Variants in PCDHA8 observed in about 807,000 individuals in gnomAD.
PCDHA8 encodes protocadherin alpha 8, also known as protocadherin alpha-8.
Under a neutral mutation model 61.8 loss-of-function variants are expected in PCDHA8, and 53 were observed. The observed-to-expected ratio is 0.86, with a 90% CI of 0.69 to 1.08. The LOEUF is 1.08. PCDHA8 is among the 50% of genes least tolerant of loss of function. PCDHA8 has a pLI of 0.00. For synonymous variants in PCDHA8, 618 were observed against 556.6 expected (o/e 1.11, Z -1.55); for missense variants, 1,293 against 1,245.0 (o/e 1.04, Z -0.58).
intron 1 of PCDHA8, chr5:140,871,289 G>T (rs955449203): frequency 6.2e-7 from 1 of 1,613,910 alleles, no homozygotes; most frequent in Non-Finnish European, 8.5e-7. Flanking sequence ...CCCACTGAGG[G>T]CGCGTGCGCG....
chr5:140,922,176 CAA>C lies in PCDHA8; in HGVS notation c.2395-56765_2395-56764del, dbSNP rs3836750. ...CAAAAACAACAAAAAGTACAGCAGACAAAAAAAAAGTCTTATCTTTAATGAAA... is the reference window on the plus strand; with the variant it reads ...CAAAAACAACAAAAAGTACAGCAGACAAAAAAAGTCTTATCTTTAATGAAA... On this transcript the variant is annotated intron_variant, in intron 1 of 3. Coordinates refer to ENST00000531613, the MANE Select transcript of PCDHA8 (RefSeq NM_018911.3). 2.6e-3 allele frequency among the ~76,000 whole-genome samples: 394 copies of C among 150,816 alleles called. 1 individual carries two copies. The highest frequency in any genetic ancestry group is 9.1e-3 in the African/African-American group (376 of 41,132).
At chr5:140,990,740 G>A (rs76434886) in intron 3 of PCDHA8, among the ~76,000 whole-genome samples, 1 of 152,170 alleles carries the variant, frequency 6.6e-6, no homozygotes, top group African/African-American at 2.4e-5. Flanking sequence ...AACAGCCCTA[G>A]GGTGGATACC....
At chr5:140,884,194 G>C in intron 1 of PCDHA8, 1 of 1,613,402 alleles carries the variant, frequency 6.2e-7, no homozygotes, top group Non-Finnish European at 8.5e-7. Flanking sequence ...AGGTGGACGC[G>C]CCGCACCACC....
intron 1 of PCDHA8, among the ~76,000 whole-genome samples, chr5:140,941,348 G>T (rs1193360429): frequency 1.7e-5 from 2 of 116,240 alleles, no homozygotes; most frequent in East Asian, 2.7e-4. Context: ...ATGGAGTCTT[G>T]CTCTGTTGCC....
intron 1 of PCDHA8, chr5:140,877,468 C>A (rs781957457): frequency 6.2e-7 from 1 of 1,613,810 alleles, no homozygotes; most frequent in South Asian, 1.1e-5. Flanking sequence ...GGCCACGGTG[C>A]TGGTGTCGCT....
chr5:140,857,736 C>A (rs1554150585), intron 1 of PCDHA8: 1 of 1,597,364 alleles, frequency 6.3e-7, no homozygotes, highest in Admixed American at 1.7e-5. Flanking sequence ...AACGCTCCCG[C>A]GCTGCTGGCG....
At chr5:140,924,906 T>TAAAAA (rs1284498744) in intron 1 of PCDHA8, among the ~76,000 whole-genome samples, 1 of 55,822 alleles carries the variant, frequency 1.8e-5, no homozygotes, top group Non-Finnish European at 3.4e-5. Context: ...AAAAAAAAAA[T>TAAAAA]AAAATAAAAT....
chr5:140,852,909 C>T lies in PCDHA8; in HGVS notation c.2394+9194C>T, dbSNP rs2150524759. On this transcript the variant is annotated intron_variant, in intron 1 of 3. Transcript: ENST00000531613. ...TATTTTTTTTTTTGAGTCAGAGTCTCGCTCTGTTGCCCAGGCTGGAGTGCA... is the reference window on the plus strand; with the variant it reads ...TATTTTTTTTTTTGAGTCAGAGTCTTGCTCTGTTGCCCAGGCTGGAGTGCA... The T allele has an allele frequency of 5.3e-4, 419 of 797,890 alleles. 9 individuals carry two copies. The South Asian group carries it at 0.02, about 38-fold the overall frequency. The allele number at this position is 797,890 out of a possible 1,614,324, so 49.4% of individuals were successfully genotyped here.
intron 1 of PCDHA8, among the ~76,000 whole-genome samples, chr5:140,937,761 A>C (rs868923892): frequency 6.6e-6 from 1 of 151,650 alleles, no homozygotes; most frequent in Non-Finnish European, 1.5e-5. Flanking sequence ...AAATACAAAA[A>C]ATTAGTCGGG....
chr5:140,943,090 C>G (rs554425182), intron 1 of PCDHA8, among the ~76,000 whole-genome samples: 3 of 151,542 alleles, frequency 2.0e-5, no homozygotes, highest in African/African-American at 7.3e-5. Context: ...AATCCTGCCT[C>G]TACTAAAAAA....
chr5:141,004,531 C>A (rs1051693064), intron 3 of PCDHA8, among the ~76,000 whole-genome samples: 2 of 152,234 alleles, frequency 1.3e-5, no homozygotes, highest in Admixed American at 1.3e-4. Flanking sequence ...ATACACACAG[C>A]CATTAATGTC....
chr5:140,849,968 C>G, intron 1 of PCDHA8: 1 of 1,597,844 alleles, frequency 6.3e-7, no homozygotes, highest in Non-Finnish European at 8.6e-7. Flanking sequence ...CCCTGGTGTC[C>G]TACTCGCTGG....
At chr5:140,995,390 C>A (rs1198231096) in intron 3 of PCDHA8, among the ~76,000 whole-genome samples, 1 of 152,088 alleles carries the variant, frequency 6.6e-6, no homozygotes, top group Non-Finnish European at 1.5e-5. Flanking sequence ...CAGGATAAAG[C>A]GGGATGGCTC....
rs2150409863 is a variant in PCDHA8 at position 140,848,399 on chromosome 5, C to A, written c.2394+4684C>A. 68 of 1,293,766 alleles carry A rather than the reference C, an allele frequency of 5.3e-5. 5 individuals are homozygous for A. In the Admixed American group the frequency reaches 5.7e-4, roughly 11 times the overall value. The allele number at this position is 1,293,766 out of a possible 1,614,324, so 80.1% of individuals were successfully genotyped here. A position where few individuals can be genotyped will look rare whatever the true frequency, so the allele number is the denominator to read the frequency against. The stretch of plus-strand genomic sequence containing the variant: ...TCTTTTTCACTCTCTCTGTGCTGAA[C>A]GATGGCGAACACAGCAGAATGGGAC... On this transcript the variant is annotated intron_variant, in intron 1 of 3. Coordinates refer to ENST00000531613, the MANE Select transcript of PCDHA8 (RefSeq NM_018911.3).
At chr5:140,901,583 T>A (rs530803677) in intron 1 of PCDHA8, among the ~76,000 whole-genome samples, 6 of 152,222 alleles carry the variant, frequency 3.9e-5, no homozygotes, top group Non-Finnish European at 8.8e-5. Flanking sequence ...GCCAGTGCCA[T>A]GATGTTTTGG....
intron 1 of PCDHA8, among the ~76,000 whole-genome samples, chr5:140,885,555 C>T (rs1225816980): frequency 3.3e-5 from 5 of 151,940 alleles, no homozygotes; most frequent in South Asian, 2.1e-4. Flanking sequence ...GTTATTTCTA[C>T]GAAATTGATT....
intron 1 of PCDHA8, among the ~76,000 whole-genome samples, chr5:140,938,751 C>A (rs943916265): frequency 6.6e-6 from 1 of 151,978 alleles, no homozygotes; most frequent in Non-Finnish European, 1.5e-5. Flanking sequence ...TTTTTAAAGG[C>A]ATAGTTATTG....
At chr5:140,857,952 C>G in intron 1 of PCDHA8, 1 of 1,597,470 alleles carries the variant, frequency 6.3e-7, no homozygotes, top group South Asian at 1.1e-5. Context: ...ACGACGCGCG[C>G]TCTGGATGAG....
chr5:141,011,997 A>G lies in PCDHA8; in HGVS notation c.*2060A>G, dbSNP rs2098422641. ...TGTCTACTTTTAGCTTCATTCTCCCATATTTTGAAGGGTGTGTAACTTCAG... is the reference window on the plus strand; with the variant it reads ...TGTCTACTTTTAGCTTCATTCTCCCGTATTTTGAAGGGTGTGTAACTTCAG... On this transcript the variant is annotated 3_prime_UTR_variant, in exon 4 of 4. Coordinates refer to ENST00000531613, the MANE Select transcript of PCDHA8 (RefSeq NM_018911.3). 1 of 153,712 alleles carries G rather than the reference A, an allele frequency of 6.5e-6. No homozygotes were observed. Among genetic ancestry groups the G allele is most frequent in the Non-Finnish European group, 1.5e-5 (1 of 68,034 alleles). 9.5% of individuals were successfully genotyped at this position (153,712 alleles called of 1,614,324 possible).
Sources: allele counts gnomAD v4.1 joint callset (sites outside exome capture counted in the v4.1 genomes callset), GRCh38; gene constraint gnomAD v4.1.1; transcripts MANE v1.5; gene names NCBI Gene and HGNC (gene_info 2026-07-23, HGNC 2026-07-21).